Variants in THSD4 observed in about 807,000 individuals in gnomAD.
THSD4 encodes the protein thrombospondin type-1 domain-containing protein 4.
A neutral mutation model predicts 119.0 loss-of-function variants in THSD4; 69 were observed. The ratio of observed to expected loss-of-function variants is 0.58; its 90% CI spans 0.48 to 0.71. The LOEUF (loss-of-function observed/expected upper bound fraction) is 0.71, where lower values mean the gene tolerates loss of function less well. Among genes scored for constraint, THSD4 ranks in the 30% least tolerant of loss-of-function variants. The pLI is 0.00. For synonymous variants in THSD4, 524 were observed against 540.4 expected, an observed-to-expected ratio of 0.97 and a Z score of 0.42; for missense variants, 1,393 against 1,391.1, an observed-to-expected ratio of 1.00 and a Z score of -0.02.
At chr15:71,767,043 T>G (rs1196973631) in intron 16 of THSD4, 1 of 152,164 alleles carries the variant, frequency 6.6e-6, no homozygotes, top group Non-Finnish European at 1.5e-5. Context: ...ATGAAAATAT[T>G]TCGTGTCTTG....
rs544417478 is a variant in THSD4 at position 71,484,177 on chromosome 15, T to C, written c.1152+72354T>C. On this transcript the variant is annotated intron_variant, in intron 7 of 17. Transcript: ENST00000261862. ...TGGAACGGAAACTTTTGGAATATTT[T>C]TCTATGAAATTCCTGATGCTCTGAC... Among the ~76,000 whole-genome samples the C allele has an allele frequency of 3.3e-5, 5 of 152,320 alleles. No individual in the cohort carries two copies. In the South Asian group the frequency reaches 1.0e-3, roughly 32 times the overall value.
At chr15:71,105,998 C>T (rs1285476868) in intron 1 of THSD4, among the ~76,000 whole-genome samples, 2 of 152,080 alleles carry the variant, frequency 1.3e-5, no homozygotes, top group Non-Finnish European at 2.9e-5. Context: ...GGGGGTGGGA[C>T]AGGAAGTGAT....
intron 7 of THSD4, among the ~76,000 whole-genome samples, chr15:71,486,611 G>GTTTTTTTTTTTTTTTTTTTTTTTTTTT (rs200120589): frequency 7.6e-6 from 1 of 131,710 alleles, no homozygotes; most frequent in African/African-American, 2.9e-5. Context: ...TTTCTTTTCT[G>GTTTTTTTTTTTTTTTTTTTTTTTTTTT]TTTTTTTTTT....
intron 16 of THSD4, 128 bp from the exon 17 acceptor site, chr15:71,770,936 A>G: frequency 7.2e-7 from 1 of 1,381,840 alleles, no homozygotes; most frequent in Non-Finnish European, 9.9e-7. Flanking sequence ...TGATAGGTAC[A>G]TGGGAGTTTG....
chr15:71,159,812 C>A (rs185257181), intron 3 of THSD4, among the ~76,000 whole-genome samples: 1 of 151,868 alleles, frequency 6.6e-6, no homozygotes, highest in South Asian at 2.1e-4. Context: ...GCTAGGAATT[C>A]CTATGTTGAT....
intron 3 of THSD4, among the ~76,000 whole-genome samples, chr15:71,213,617 G>A (rs1048977653): frequency 6.6e-6 from 1 of 152,186 alleles, no homozygotes; most frequent in African/African-American, 2.4e-5. Context: ...GGTGCTCAGA[G>A]CATGTCTTCA....
At chr15:71,534,304 ACTAC>A (rs1308742040) in intron 7 of THSD4, among the ~76,000 whole-genome samples, 1 of 152,218 alleles carries the variant, frequency 6.6e-6, no homozygotes, top group Non-Finnish European at 1.5e-5. Flanking sequence ...CCTGTGTCAG[ACTAC>A]CTGTTTCCCT....
chr15:71,443,035 A>G (rs1452088080), intron 7 of THSD4, among the ~76,000 whole-genome samples: 1 of 152,088 alleles, frequency 6.6e-6, no homozygotes. Flanking sequence ...TGTTGAAAGA[A>G]TTATGAATAC....
chr15:71,180,226 G>C (rs1363482421), intron 3 of THSD4, among the ~76,000 whole-genome samples: 1 of 149,826 alleles, frequency 6.7e-6, no homozygotes, highest in Non-Finnish European at 1.5e-5. Flanking sequence ...CAGAACGGGA[G>C]AAAGTATTTG....
chr15:71,549,289 G>A (rs58280030), intron 7 of THSD4, among the ~76,000 whole-genome samples: 73,188 of 152,056 alleles, frequency 0.48, 18,872 homozygotes, highest in Middle Eastern at 0.59. Flanking sequence ...GCTTTGCTAA[G>A]TAAAGATCCT....
intron 8 of THSD4, among the ~76,000 whole-genome samples, chr15:71,686,334 T>G (rs867723654): frequency 6.6e-6 from 1 of 152,220 alleles, no homozygotes; most frequent in Non-Finnish European, 1.5e-5. Context: ...TGTATTGCTT[T>G]GGAGAGTGTA....
intron 7 of THSD4, among the ~76,000 whole-genome samples, chr15:71,472,111 C>T (rs549200108): frequency 6.6e-6 from 1 of 152,080 alleles, no homozygotes; most frequent in Non-Finnish European, 1.5e-5. Flanking sequence ...GAGACAGGGC[C>T]TCCCTATGTT....
intron 2 of THSD4, among the ~76,000 whole-genome samples, chr15:71,151,861 G>A (rs775261064): frequency 1.3e-5 from 2 of 152,140 alleles, no homozygotes; most frequent in African/African-American, 2.4e-5. Context: ...AATCATTTTC[G>A]AAGTTATCCA....
At chr15:71,425,044 G>A (rs1186544130) in intron 7 of THSD4, among the ~76,000 whole-genome samples, 1 of 152,052 alleles carries the variant, frequency 6.6e-6, no homozygotes, top group Non-Finnish European at 1.5e-5. Context: ...GGTTGAGAAC[G>A]AACAGAACTT....
chr15:71,226,043 G>A (rs892956550), intron 4 of THSD4, among the ~76,000 whole-genome samples: 1 of 151,926 alleles, frequency 6.6e-6, no homozygotes, highest in Non-Finnish European at 1.5e-5. Context: ...TTCGTGCCTT[G>A]TAGAAACCCC....
chr15:71,640,828 A>T (rs1006666247), intron 7 of THSD4, among the ~76,000 whole-genome samples: 2 of 152,140 alleles, frequency 1.3e-5, no homozygotes, highest in Non-Finnish European at 2.9e-5. Context: ...CTAGATATTA[A>T]GCCCATTGAG....
intron 8 of THSD4, among the ~76,000 whole-genome samples, chr15:71,712,002 A>G (rs2052526829): frequency 6.6e-6 from 1 of 152,156 alleles, no homozygotes; most frequent in Non-Finnish European, 1.5e-5. Flanking sequence ...GAACAAGTAG[A>G]GAACTTGACC....
intron 7 of THSD4, among the ~76,000 whole-genome samples, chr15:71,491,732 G>T (rs2047923060): frequency 6.6e-6 from 1 of 152,064 alleles, no homozygotes. Flanking sequence ...TAATTAGCCA[G>T]GTATTGTACA....
chr15:71,383,675 C>T (rs2046255622), intron 6 of THSD4, among the ~76,000 whole-genome samples: 1 of 152,022 alleles, frequency 6.6e-6, no homozygotes, highest in Non-Finnish European at 1.5e-5. Flanking sequence ...AGTGTATAGT[C>T]GGCCCTCTGT....
Sources: allele counts gnomAD v4.1 joint callset (sites outside exome capture counted in the v4.1 genomes callset), GRCh38; gene constraint gnomAD v4.1.1; transcripts MANE v1.5; gene names NCBI Gene and HGNC (gene_info 2026-07-23, HGNC 2026-07-21).